The following PLPPR1 variants were observed in gnomAD, a reference collection of about 807,000 sequenced individuals.
PLPPR1 encodes the protein phospholipid phosphatase-related protein type 1.
A neutral mutation model predicts 33.1 loss-of-function variants in PLPPR1; 10 were observed. The observed-to-expected ratio is 0.30, with a 90% CI of 0.19 to 0.51. The LOEUF (loss-of-function observed/expected upper bound fraction) is 0.51. PLPPR1 is among the 20% of genes least tolerant of loss of function. PLPPR1 has a pLI of 0.97. For missense variants in PLPPR1, 304 were observed against 408.1 expected (o/e 0.74, Z 2.20); for synonymous variants, 151 against 151.0 (o/e 1.00, Z 0.00).
intron 3 of PLPPR1, among the ~76,000 whole-genome samples, chr9:101,270,272 T>A (rs1371390936): frequency 6.6e-6 from 1 of 151,964 alleles, no homozygotes; most frequent in African/African-American, 2.4e-5. Context: ...CTTTTGTTTT[T>A]CGGTATCTGA....
In PLPPR1 at chr9:101,087,190, A is replaced by T. The variant is rs868053367; in HGVS notation, c.-46+58088A>T. Among the ~76,000 whole-genome samples the T allele has an allele frequency of 6.7e-4, 101 of 151,320 alleles. 1 individual carries two copies. The highest frequency in any genetic ancestry group is 1.8e-3 in the East Asian group (9 of 5,110). The stretch of plus-strand genomic sequence containing the variant: ...GAGTGAGACTCTGTCTCAAAAAAAA[A>T]AAAATAAAATAAAAATAAAAAAAAT... On this transcript the variant is annotated intron_variant, in intron 1 of 7. Coordinates refer to ENST00000374874, the MANE Select transcript of PLPPR1 (RefSeq NM_207299.2).
intron 2 of PLPPR1, among the ~76,000 whole-genome samples, chr9:101,250,172 C>CT (rs1054847178): frequency 6.6e-6 from 1 of 151,974 alleles, no homozygotes; most frequent in Non-Finnish European, 1.5e-5. Flanking sequence ...CTCTTCCTCC[C>CT]TTCTCAATAC....
rs60620773 is a variant in PLPPR1 at position 101,239,060 on chromosome 9, AGTGTGT to A, written c.64-30797_64-30792del. On this transcript the variant is annotated intron_variant, in intron 2 of 7. Coordinates refer to ENST00000374874, the MANE Select transcript of PLPPR1 (RefSeq NM_207299.2). ...CTGAATAAATAGCTGAATTTCATTG[AGTGTGT>A]GTGTGTGTGTGTGTGTGTGTGTACA... Among the ~76,000 whole-genome samples the A allele has an allele frequency of 4.6e-3, 676 of 147,508 alleles. 3 individuals are homozygous for A. The highest frequency in any genetic ancestry group is 0.015 in the African/African-American group (609 of 40,218).
chr9:101,158,910 T>C (rs2118667035), intron 1 of PLPPR1, among the ~76,000 whole-genome samples: 1 of 152,352 alleles, frequency 6.6e-6, no homozygotes, highest in Admixed American at 6.5e-5. Context: ...TTTGGAGGAC[T>C]GGCTTCAGCT....
Position 101,267,301 on chromosome 9 carries a change from G to A in PLPPR1, c.64-2579G>A, listed in dbSNP as rs1011955089. Among the ~76,000 whole-genome samples, 139 of 152,214 alleles carry A rather than the reference G, an allele frequency of 9.1e-4. 12 individuals are homozygous for A. The highest frequency in any genetic ancestry group is 4.4e-5 in the Non-Finnish European group (3 of 68,040). ...CTGCAATCAGGAGCACCTATTAGTA[G>A]GGGTAGCTTTGGAGTATCTCTCTCA... On this transcript the variant is annotated intron_variant, in intron 2 of 7. Coordinates refer to ENST00000374874, the MANE Select transcript of PLPPR1 (RefSeq NM_207299.2).
chr9:101,304,988 GA>G (rs139734502), intron 4 of PLPPR1, among the ~76,000 whole-genome samples: 4 of 150,704 alleles, frequency 2.7e-5, no homozygotes, highest in East Asian at 1.9e-4. Context: ...ATACATTTAG[GA>G]AAAAAAAAGG....
chr9:101,092,413 T>C (rs923183867), intron 1 of PLPPR1, among the ~76,000 whole-genome samples: 1 of 152,212 alleles, frequency 6.6e-6, no homozygotes, highest in Non-Finnish European at 1.5e-5. Flanking sequence ...AGTATATTTT[T>C]AGTGCCTAAC....
intron 1 of PLPPR1, among the ~76,000 whole-genome samples, chr9:101,073,804 G>A (rs577959185): frequency 6.6e-6 from 1 of 152,242 alleles, no homozygotes; most frequent in South Asian, 2.1e-4. Context: ...TTCCTTACAC[G>A]GATTTCCATG....
intron 2 of PLPPR1, among the ~76,000 whole-genome samples, chr9:101,246,726 C>T (rs759958158): frequency 6.6e-6 from 1 of 152,042 alleles, no homozygotes; most frequent in Non-Finnish European, 1.5e-5. Context: ...CAGTGGCATA[C>T]AACAGTAGGC....
chr9:101,171,530 G>C (rs1251854529), intron 1 of PLPPR1, among the ~76,000 whole-genome samples: 1 of 152,142 alleles, frequency 6.6e-6, no homozygotes, highest in Non-Finnish European at 1.5e-5. Flanking sequence ...AGAGACTGTA[G>C]AGAAGGGCAG....
At chr9:101,313,062 G>T in intron 6 of PLPPR1, 88 bp downstream of exon 6, 1 of 1,155,290 alleles carries the variant, frequency 8.7e-7, no homozygotes, top group Non-Finnish European at 1.3e-6. Context: ...CACCATCTGT[G>T]TTCCTTTCGT....
At chr9:101,039,424 A>G (rs1422581073) in intron 1 of PLPPR1, among the ~76,000 whole-genome samples, 1 of 152,214 alleles carries the variant, frequency 6.6e-6, no homozygotes, top group Admixed American at 6.5e-5. Context: ...AGCTGCCATT[A>G]TCATTCATTA....
At chr9:101,293,801 G>T (rs144503168) in intron 4 of PLPPR1, among the ~76,000 whole-genome samples, 2,000 of 152,168 alleles carry the variant, frequency 0.013, 41 homozygotes, top group African/African-American at 0.045. Flanking sequence ...CACACTCAAA[G>T]TAGTGTGTAG....
intron 1 of PLPPR1, among the ~76,000 whole-genome samples, chr9:101,132,528 AAC>A (rs1831325296): frequency 6.6e-6 from 1 of 152,182 alleles, no homozygotes; most frequent in Non-Finnish European, 1.5e-5. Context: ...GAATAGGCAG[AAC>A]ACAGAGAATT....
chr9:101,054,098 C>T (rs1200957342), intron 1 of PLPPR1, among the ~76,000 whole-genome samples: 3 of 152,088 alleles, frequency 2.0e-5, no homozygotes, highest in Non-Finnish European at 4.4e-5. Flanking sequence ...TCAGGAGAAT[C>T]ATTTGAACCC....
At chr9:101,260,354 G>T (rs2118879108) in intron 2 of PLPPR1, among the ~76,000 whole-genome samples, 1 of 152,220 alleles carries the variant, frequency 6.6e-6, no homozygotes, top group Non-Finnish European at 1.5e-5. Flanking sequence ...GCACGGAGAG[G>T]TTGAGATCCC....
At chr9:101,189,841 A>G (rs1826264464) in intron 2 of PLPPR1, among the ~76,000 whole-genome samples, 1 of 152,042 alleles carries the variant, frequency 6.6e-6, no homozygotes, top group Non-Finnish European at 1.5e-5. Flanking sequence ...GTCTTTAATT[A>G]TATCAAATGC....
chr9:101,032,389 G>A lies in PLPPR1; in HGVS notation c.-46+3287G>A, dbSNP rs28705120. ...ATGTAGGTGTTAAATGATGAGGGTG[G>A]TGGCAGTAGGGGTGGACAAGAGGAG... is the stretch of plus-strand genomic sequence containing the variant. On this transcript the variant is annotated intron_variant, in intron 1 of 7. Coordinates refer to ENST00000374874, the MANE Select transcript of PLPPR1 (RefSeq NM_207299.2). 2.8e-3 allele frequency among the ~76,000 whole-genome samples: 432 copies of A among 152,224 alleles called. 6 individuals carry two copies. Among genetic ancestry groups the A allele is most frequent in the Middle Eastern group, 0.01 (3 of 294 alleles).
At chr9:101,208,389 T>G (rs1048677009) in intron 2 of PLPPR1, among the ~76,000 whole-genome samples, 10 of 152,190 alleles carry the variant, frequency 6.6e-5, no homozygotes, top group African/African-American at 2.4e-4. Flanking sequence ...TCCTGGTGAA[T>G]TTTTCACTCC....
Sources: allele counts gnomAD v4.1 joint callset (sites outside exome capture counted in the v4.1 genomes callset), GRCh38; gene constraint gnomAD v4.1.1; transcripts MANE v1.5; gene names NCBI Gene and HGNC (gene_info 2026-07-23, HGNC 2026-07-21).